DST: variants seen among roughly 807,000 people sequenced by gnomAD.
DST encodes bullous pemphigoid antigen.
A neutral mutation model predicts 875.2 loss-of-function variants in DST; 253 were observed. That is an observed-to-expected ratio of 0.29 (90% CI 0.26 to 0.32). DST has a LOEUF of 0.32. Ranked by LOEUF, DST falls within the 10% of genes least tolerant of loss-of-function variation. The pLI is 1.00. For missense variants in DST, 8,287 were observed against 9,111.6 expected (o/e 0.91, Z 3.68); for synonymous variants, 3,124 against 3,197.1 (o/e 0.98, Z 0.77).
intron 10 of DST, among the ~76,000 whole-genome samples, chr6:56,654,204 A>AT (rs202106750): frequency 9.2e-5 from 14 of 152,002 alleles, no homozygotes; most frequent in Non-Finnish European, 1.6e-4. Context: ...CCATTCTCTT[A>AT]TTTTTTTTAT....
intron 61 of DST, among the ~76,000 whole-genome samples, chr6:56,538,436 C>T (rs992970602): frequency 4.6e-5 from 7 of 150,606 alleles, no homozygotes; most frequent in African/African-American, 1.8e-4. Flanking sequence ...TATAAATATA[C>T]CAATGATTGG....
intron 61 of DST, among the ~76,000 whole-genome samples, chr6:56,550,255 T>C (rs150911912): frequency 6.6e-6 from 1 of 152,216 alleles, no homozygotes; most frequent in East Asian, 1.9e-4. Flanking sequence ...TTTTTTCAAG[T>C]CACTGGGTTT....
At chr6:56,594,253 G>A (rs1053814032) in intron 47 of DST, 60 bp from the exon 48 acceptor site, 14 of 1,371,382 alleles carry the variant, frequency 1.0e-5, no homozygotes, top group Non-Finnish European at 1.4e-5. Flanking sequence ...CCTGCAGGGA[G>A]CTCCTTGCCG....
intron 23 of DST, among the ~76,000 whole-genome samples, chr6:56,635,974 A>C (rs1231088552): frequency 6.6e-6 from 1 of 152,158 alleles, no homozygotes; most frequent in Non-Finnish European, 1.5e-5. Context: ...GTCCATTTTA[A>C]ATTAGGATTT....
chr6:56,792,623 C>T (rs2099729319), intron 4 of DST, among the ~76,000 whole-genome samples: 1 of 152,108 alleles, frequency 6.6e-6, no homozygotes, highest in Non-Finnish European at 1.5e-5. Flanking sequence ...TCAACACCAC[C>T]ATTAATGGAA....
intron 5 of DST, among the ~76,000 whole-genome samples, chr6:56,708,953 T>A (rs1588992883): frequency 1.3e-5 from 2 of 152,228 alleles, no homozygotes; most frequent in Admixed American, 1.3e-4. Context: ...CAGTTTTTAA[T>A]AAAGCATTCC....
chr6:56,759,576 A>AT (rs1313434136), intron 4 of DST, among the ~76,000 whole-genome samples: 1 of 152,144 alleles, frequency 6.6e-6, no homozygotes, highest in Non-Finnish European at 1.5e-5. Context: ...CTGCTGGCAT[A>AT]TTTTTTTCCA....
chr6:56,616,034 C>T (rs759173019), intron 36 of DST: 5 of 1,614,054 alleles, frequency 3.1e-6, no homozygotes, highest in African/African-American at 2.7e-5. Context: ...TTCAAGGCAT[C>T]GGAGGGCAGT....
intron 34 of DST, among the ~76,000 whole-genome samples, 172 bp downstream of exon 34, chr6:56,627,032 C>A (rs1258175830): frequency 6.6e-6 from 1 of 152,060 alleles, no homozygotes; most frequent in Non-Finnish European, 1.5e-5. Context: ...GACGAATGAA[C>A]TGGGGGGCTG....
At chr6:56,910,035 TG>T (rs1798186293) in intron 2 of DST, among the ~76,000 whole-genome samples, 1 of 152,228 alleles carries the variant, frequency 6.6e-6, no homozygotes, top group African/African-American at 2.4e-5. Flanking sequence ...TAAAGGAAAG[TG>T]GGGCAAAATA....
intron 93 of DST, among the ~76,000 whole-genome samples, chr6:56,472,979 G>T (rs1396437404): frequency 6.6e-6 from 1 of 152,214 alleles, no homozygotes; most frequent in Non-Finnish European, 1.5e-5. Flanking sequence ...TCCCAGCTAG[G>T]ATTTATAGTA....
chr6:56,625,644 T>C (rs1477403478), intron 34 of DST, among the ~76,000 whole-genome samples: 1 of 152,030 alleles, frequency 6.6e-6, no homozygotes, highest in African/African-American at 2.4e-5. Context: ...ATGTTCAGTA[T>C]GTAATACTTG....
chr6:56,615,624 T>C, intron 36 of DST: 2 of 1,614,192 alleles, frequency 1.2e-6, no homozygotes, highest in South Asian at 1.1e-5. Flanking sequence ...AAGGCTTCTT[T>C]ATATGTCAAC....
intron 4 of DST, among the ~76,000 whole-genome samples, chr6:56,834,513 C>T (rs2099791152): frequency 6.6e-6 from 1 of 152,102 alleles, no homozygotes; most frequent in Non-Finnish European, 1.5e-5. Flanking sequence ...AGGGGAATCA[C>T]TTAAACCCAG....
intron 37 of DST, 60 bp downstream of exon 37, chr6:56,614,296 T>A: frequency 6.8e-7 from 1 of 1,467,392 alleles, no homozygotes; most frequent in Non-Finnish European, 9.2e-7. Flanking sequence ...GTAAACTGTG[T>A]CAACTCAGTT....
intron 49 of DST, 114 bp from the exon 50 acceptor site, chr6:56,579,051 A>G (rs2097917485): frequency 4.4e-6 from 4 of 915,304 alleles, no homozygotes; most frequent in Non-Finnish European, 6.2e-6. Flanking sequence ...TAAACTTTTC[A>G]TCATACCAAC....
At chr6:56,813,151 A>C (rs11970155) in intron 4 of DST, among the ~76,000 whole-genome samples, 4 of 148,348 alleles carry the variant, frequency 2.7e-5, no homozygotes, top group Admixed American at 1.4e-4. Flanking sequence ...ACCAAACACC[A>C]CATGTTCTCA....
At chr6:56,843,648 G>A (rs2099803380) in intron 4 of DST, 1 of 983,934 alleles carries the variant, frequency 1.0e-6, no homozygotes, top group South Asian at 4.7e-5. Context: ...GCGCATCTGC[G>A]GCATTTCCTG....
At chr6:56,659,480 G>A (rs1485547705) in intron 10 of DST, among the ~76,000 whole-genome samples, 2 of 152,148 alleles carry the variant, frequency 1.3e-5, no homozygotes, top group African/African-American at 4.8e-5. Context: ...GAAAAGAATG[G>A]CCAATAGGGT....
Sources: allele counts gnomAD v4.1 joint callset (sites outside exome capture counted in the v4.1 genomes callset), GRCh38; gene constraint gnomAD v4.1.1; transcripts MANE v1.5; gene names NCBI Gene and HGNC (gene_info 2026-07-23, HGNC 2026-07-21).